The following ANO2 variants were observed in gnomAD, a reference collection of about 807,000 sequenced individuals.
The protein encoded by ANO2 is anoctamin-2.
ANO2 carries 101 observed loss-of-function variants against 124.2 expected under a neutral mutation model. That is an observed-to-expected ratio of 0.81 (90% confidence interval 0.69 to 0.96). The LOEUF is 0.96. ANO2 is among the 40% of genes least tolerant of loss of function. ANO2 has a pLI of 0.00. For missense variants in ANO2, 1,293 were observed against 1,274.5 expected, an observed-to-expected ratio of 1.01 and a Z score of -0.22; for synonymous variants, 486 against 482.5, an observed-to-expected ratio of 1.01 and a Z score of -0.09.
chr12:5,599,627 T>A lies in ANO2; in HGVS notation c.2090A>T (p.Lys697Met). 2 of 1,613,548 alleles carry A rather than the reference T, an allele frequency of 1.2e-6. No individual in the cohort carries two copies. Among genetic ancestry groups the A allele is most frequent in the Non-Finnish European group, 1.7e-6 (2 of 1,179,782 alleles). Residue 697 changes from lysine (K) to methionine (M), a missense_variant and splice_region_variant, in exon 20 of 25, where the codon AAG (lysine) becomes ATG (methionine). Lys to Met is a moderately conservative substitution (Grantham distance 95, BLOSUM62 -1). Coordinates refer to ENST00000682330, the MANE Select transcript of ANO2 (RefSeq NM_001364791.2). ...QNNIFEIGVP[K>M]LKKLFRKLKD... Reference sequence around the variant, plus strand: ...CAGCTTTCGAAATAGTTTCTTTAGCTTCCTGGAAAAGAAATGGATTAAGTT... The same window carrying A: ...CAGCTTTCGAAATAGTTTCTTTAGCATCCTGGAAAAGAAATGGATTAAGTT...
intron 10 of ANO2, among the ~76,000 whole-genome samples, chr12:5,784,771 C>A (rs528892408): frequency 5.9e-5 from 9 of 152,206 alleles, no homozygotes; most frequent in Admixed American, 5.9e-4. Flanking sequence ...ACTCCCCAGA[C>A]GTGCTGTTCA....
At chr12:5,657,801 T>C (rs1165650043) in intron 14 of ANO2, among the ~76,000 whole-genome samples, 1 of 142,082 alleles carries the variant, frequency 7.0e-6, no homozygotes, top group Non-Finnish European at 1.5e-5. Flanking sequence ...GCCAATGCTA[T>C]AAATTTAGCC....
intron 15 of ANO2, among the ~76,000 whole-genome samples, chr12:5,642,758 C>T (rs933846859): frequency 1.3e-5 from 2 of 152,128 alleles, no homozygotes; most frequent in Non-Finnish European, 2.9e-5. Context: ...CTACAGGGCT[C>T]CTCGTTACTT....
intron 20 of ANO2, among the ~76,000 whole-genome samples, chr12:5,591,274 A>C (rs1386093090): frequency 5.3e-5 from 8 of 152,234 alleles, no homozygotes; most frequent in African/African-American, 1.9e-4. Context: ...AGGTGCTTAC[A>C]TACCCTGCTT....
chr12:5,863,287 T>C (rs745494093), intron 3 of ANO2, among the ~76,000 whole-genome samples: 1 of 152,156 alleles, frequency 6.6e-6, no homozygotes, highest in Non-Finnish European at 1.5e-5. Flanking sequence ...AGACCTAACC[T>C]ATGGGGAGTC....
chr12:5,607,382 T>C (rs1439455216), intron 19 of ANO2, among the ~76,000 whole-genome samples: 1 of 152,158 alleles, frequency 6.6e-6, no homozygotes, highest in Non-Finnish European at 1.5e-5. Flanking sequence ...TAAGCATTTA[T>C]CCAAGCTGGT....
At chr12:5,587,084 C>T (rs1943151665) in intron 20 of ANO2, among the ~76,000 whole-genome samples, 1 of 152,190 alleles carries the variant, frequency 6.6e-6, no homozygotes, top group African/African-American at 2.4e-5. Flanking sequence ...TCCCCACACC[C>T]AGCCGGCCCA....
At chr12:5,920,806 G>A (rs948994904) in intron 3 of ANO2, among the ~76,000 whole-genome samples, 2 of 152,118 alleles carry the variant, frequency 1.3e-5, no homozygotes, top group Admixed American at 1.3e-4. Flanking sequence ...GGCAGAGCTT[G>A]AAGTGAGCCA....
chr12:5,795,570 C>T (rs947456022), intron 10 of ANO2, among the ~76,000 whole-genome samples: 3 of 152,214 alleles, frequency 2.0e-5, no homozygotes, highest in Non-Finnish European at 4.4e-5. Context: ...CCCTCTCTTT[C>T]CCATGCTGTC....
chr12:5,853,408 C>T (rs1307894066), intron 4 of ANO2, among the ~76,000 whole-genome samples: 1 of 151,908 alleles, frequency 6.6e-6, no homozygotes, highest in Non-Finnish European at 1.5e-5. Flanking sequence ...TGTGCATCAT[C>T]CTGGGGATTT....
chr12:5,599,778 T>C, intron 19 of ANO2, 149 bp from the exon 20 acceptor site: 1 of 879,842 alleles, frequency 1.1e-6, no homozygotes, highest in Non-Finnish European at 1.7e-6. Flanking sequence ...CTAAAGAGAC[T>C]ACTTTTCTCC....
intron 3 of ANO2, among the ~76,000 whole-genome samples, chr12:5,858,932 T>C (rs1955186910): frequency 6.6e-6 from 1 of 152,194 alleles, no homozygotes. Context: ...ACTTTTAAAA[T>C]TATCTACAAG....
At chr12:5,841,199 C>T (rs546028297) in intron 4 of ANO2, among the ~76,000 whole-genome samples, 1 of 152,302 alleles carries the variant, frequency 6.6e-6, no homozygotes, top group South Asian at 2.1e-4. Context: ...GAGCATTAAG[C>T]CTTTCAGCGA....
chr12:5,711,158 A>AG (rs1231740326), intron 14 of ANO2, among the ~76,000 whole-genome samples: 1 of 105,946 alleles, frequency 9.4e-6, no homozygotes, highest in Non-Finnish European at 2.0e-5. Context: ...ACTCTGTCTC[A>AG]AAAAAAAAAA....
intron 10 of ANO2, among the ~76,000 whole-genome samples, chr12:5,757,320 T>C (rs1284265963): frequency 6.6e-6 from 1 of 152,232 alleles, no homozygotes; most frequent in Non-Finnish European, 1.5e-5. Context: ...AGTGATTTCT[T>C]GTAAAAAGAA....
intron 14 of ANO2, among the ~76,000 whole-genome samples, chr12:5,689,492 C>T (rs1052977000): frequency 2.6e-5 from 4 of 152,108 alleles, no homozygotes; most frequent in Non-Finnish European, 5.9e-5. Flanking sequence ...CCTCTCAGCT[C>T]CTCCTAGATG....
At position 5,582,955 on chromosome 12, in the gene ANO2, A is replaced by C. The variant is rs1161932207; in HGVS notation, c.2234-4437T>G. Reference sequence around the variant, plus strand: ...GGTGCCTTGGGCATCTCTCATCCTCACTCCCATAATGCCTTGACACGCCTC... The same window carrying C: ...GGTGCCTTGGGCATCTCTCATCCTCCCTCCCATAATGCCTTGACACGCCTC... On this transcript the variant is annotated intron_variant, in intron 20 of 24. Coordinates refer to ENST00000682330, the MANE Select transcript of ANO2 (RefSeq NM_001364791.2). Among the ~76,000 whole-genome samples, 2 of 150,752 alleles carry C rather than the reference A, an allele frequency of 1.3e-5. 1 individual carries two copies. The highest frequency in any genetic ancestry group is 4.2e-4 in the South Asian group (2 of 4,720).
chr12:5,927,912 G>C (rs115688801), intron 1 of ANO2, among the ~76,000 whole-genome samples: 4,026 of 152,294 alleles, frequency 0.026, 181 homozygotes, highest in African/African-American at 0.092. Flanking sequence ...CTTCTGAACA[G>C]GGGGGAGGGG....
intron 6 of ANO2, among the ~76,000 whole-genome samples, chr12:5,828,545 T>C (rs1954059717): frequency 1.3e-5 from 2 of 152,200 alleles, no homozygotes; most frequent in Non-Finnish European, 2.9e-5. Flanking sequence ...TCAGAGCATA[T>C]CATACACTTC....
Sources: gnomAD v4.1 joint callset for allele counts (sites outside exome capture counted in the v4.1 genomes callset) on GRCh38, gnomAD v4.1.1 for gene constraint, MANE v1.5 for transcripts, NCBI Gene and HGNC (gene_info 2026-07-23, HGNC 2026-07-21) for gene names.